KCNH1: variants seen among roughly 807,000 people sequenced by gnomAD.
The protein encoded by KCNH1 is voltage-gated delayed rectifier potassium channel KCNH1.
KCNH1 carries 27 observed loss-of-function variants against 69.2 expected under a neutral mutation model. That is an observed-to-expected ratio of 0.39 (90% CI 0.29 to 0.54). The LOEUF (loss-of-function observed/expected upper bound fraction) is 0.54, where lower values mean the gene tolerates loss of function less well. KCNH1 is among the 20% of genes least tolerant of loss of function. The probability of loss-of-function intolerance (pLI) is 0.68; values close to 1 mark genes in which losing one functional copy is unlikely to be tolerated. For synonymous variants in KCNH1, 456 were observed against 487.7 expected, an observed-to-expected ratio of 0.93 and a Z score of 0.86; for missense variants, 798 against 1,261.6, an observed-to-expected ratio of 0.63 and a Z score of 5.57.
chr1:211,062,263 T>C (rs894143232), intron 5 of KCNH1, among the ~76,000 whole-genome samples: 4 of 152,128 alleles, frequency 2.6e-5, no homozygotes, highest in Non-Finnish European at 4.4e-5. Context: ...GGATTATCCA[T>C]ATGAAGAAGG....
intron 6 of KCNH1, among the ~76,000 whole-genome samples, chr1:210,944,166 A>C (rs745613360): frequency 6.6e-6 from 1 of 152,216 alleles, no homozygotes; most frequent in African/African-American, 2.4e-5. Flanking sequence ...GGATCATAGA[A>C]CTATTATGAG....
intron 10 of KCNH1, among the ~76,000 whole-genome samples, chr1:210,720,494 C>T (rs143939253): frequency 1.3e-5 from 2 of 152,276 alleles, no homozygotes; most frequent in East Asian, 1.9e-4. Flanking sequence ...AGACCAAGTT[C>T]GCTTGGGGAC....
chr1:210,971,512 A>T (rs1276604428), intron 6 of KCNH1, among the ~76,000 whole-genome samples: 1 of 152,158 alleles, frequency 6.6e-6, no homozygotes, highest in East Asian at 1.9e-4. Context: ...CTCAAGGCAC[A>T]TTACCTCCTA....
At chr1:210,770,207 G>C (rs1453904458) in intron 10 of KCNH1, among the ~76,000 whole-genome samples, 1 of 151,998 alleles carries the variant, frequency 6.6e-6, no homozygotes, top group Non-Finnish European at 1.5e-5. Context: ...TGTTTGGGGT[G>C]TGGGGGGGTC....
intron 5 of KCNH1, among the ~76,000 whole-genome samples, chr1:211,079,132 G>T (rs1424539408): frequency 1.3e-5 from 2 of 151,984 alleles, no homozygotes; most frequent in Non-Finnish European, 1.5e-5. Flanking sequence ...TGATAAAGGG[G>T]TTATCACCAC....
At chr1:210,928,176 A>T (rs1340285568) in intron 6 of KCNH1, among the ~76,000 whole-genome samples, 2 of 152,166 alleles carry the variant, frequency 1.3e-5, no homozygotes, top group Non-Finnish European at 2.9e-5. Context: ...TCAACAAAGA[A>T]ACAAACTTAA....
chr1:210,829,198 C>T (rs1303080607), intron 7 of KCNH1, among the ~76,000 whole-genome samples: 4 of 152,122 alleles, frequency 2.6e-5, no homozygotes, highest in African/African-American at 9.7e-5. Flanking sequence ...AAATGTCTAT[C>T]CCTTTTGCTG....
chr1:210,840,976 G>A (rs1685393648), intron 7 of KCNH1, among the ~76,000 whole-genome samples: 1 of 152,038 alleles, frequency 6.6e-6, no homozygotes, highest in African/African-American at 2.4e-5. Flanking sequence ...ACAGACACCA[G>A]GCCAGCTGTC....
chr1:210,873,193 G>A (rs1260388563), intron 7 of KCNH1, among the ~76,000 whole-genome samples: 1 of 152,020 alleles, frequency 6.6e-6, no homozygotes, highest in East Asian at 1.9e-4. Flanking sequence ...CCATGCAATG[G>A]TCTTGTATGT....
intron 9 of KCNH1, among the ~76,000 whole-genome samples, chr1:210,782,918 C>A (rs1029396534): frequency 1.3e-5 from 2 of 152,194 alleles, no homozygotes; most frequent in African/African-American, 4.8e-5. Flanking sequence ...GAATAAATTT[C>A]TGTTGTTTAT....
Position 211,101,221 on chromosome 1 carries a change from G to A in KCNH1, c.310+2275C>T, listed in dbSNP as rs1416643563. Among the ~76,000 whole-genome samples, 3 of 152,114 alleles carry A rather than the reference G, an allele frequency of 2.0e-5. No individual in the cohort carries two copies. The East Asian group carries it at 5.8e-4, about 29-fold the overall frequency. ...CAGATGCTGTAAGAGCAGACACTGTGTCTATCTCTTCATACTTGCATCCCT... is the reference window on the plus strand; with the variant it reads ...CAGATGCTGTAAGAGCAGACACTGTATCTATCTCTTCATACTTGCATCCCT... On this transcript the variant is annotated intron_variant, in intron 3 of 10. Coordinates refer to ENST00000271751, the MANE Select transcript of KCNH1 (RefSeq NM_172362.3).
chr1:210,941,234 C>T (rs929299782), intron 6 of KCNH1, among the ~76,000 whole-genome samples: 10 of 152,178 alleles, frequency 6.6e-5, no homozygotes, highest in East Asian at 1.9e-4. Flanking sequence ...CCTATGCAAT[C>T]GAATTTGGCC....
intron 7 of KCNH1, among the ~76,000 whole-genome samples, chr1:210,881,324 TAC>T (rs1686489760): frequency 6.6e-6 from 1 of 152,164 alleles, no homozygotes; most frequent in South Asian, 2.1e-4. Flanking sequence ...AAGACATCTT[TAC>T]ACACATATTA....
At chr1:210,868,205 T>C (rs983055221) in intron 7 of KCNH1, among the ~76,000 whole-genome samples, 104 of 152,206 alleles carry the variant, frequency 6.8e-4, no homozygotes, top group African/African-American at 2.4e-3. Context: ...GATGACTAAT[T>C]AAATGGAACA....
chr1:210,956,963 A>G (rs1688189196), intron 6 of KCNH1, among the ~76,000 whole-genome samples: 1 of 151,868 alleles, frequency 6.6e-6, no homozygotes, highest in Admixed American at 6.6e-5. Flanking sequence ...TAACTTTTGA[A>G]TTTGTTTGGT....
intron 7 of KCNH1, among the ~76,000 whole-genome samples, chr1:210,889,048 A>G (rs1400009008): frequency 1.3e-5 from 2 of 152,198 alleles, no homozygotes; most frequent in African/African-American, 2.4e-5. Context: ...TCCCTAACTC[A>G]TTTTATGAGG....
intron 10 of KCNH1, among the ~76,000 whole-genome samples, chr1:210,685,573 T>G (rs1029590141): frequency 2.6e-5 from 4 of 152,198 alleles, no homozygotes; most frequent in African/African-American, 9.7e-5. Flanking sequence ...TATCTTAACT[T>G]CTGAGTCTCA....
intron 7 of KCNH1, chr1:210,859,688 G>C: frequency 7.8e-7 from 1 of 1,281,912 alleles, no homozygotes; most frequent in Admixed American, 1.7e-5. Context: ...TTAAATAAAA[G>C]GATAAAAGCT....
At chr1:211,068,326 T>C (rs1281378497) in intron 5 of KCNH1, among the ~76,000 whole-genome samples, 2 of 152,256 alleles carry the variant, frequency 1.3e-5, no homozygotes, top group African/African-American at 2.4e-5. Context: ...CAATACGTCA[T>C]GTAAATGCCT....
Sources: allele counts gnomAD v4.1 joint callset (sites outside exome capture counted in the v4.1 genomes callset), GRCh38; gene constraint gnomAD v4.1.1; transcripts MANE v1.5; gene names NCBI Gene and HGNC (gene_info 2026-07-23, HGNC 2026-07-21).